The following SLC23A1 variants were observed in gnomAD, a reference collection of about 807,000 sequenced individuals.
The protein encoded by SLC23A1 is Na(+)/L-ascorbic acid transporter 1.
Under a neutral mutation model 62.5 loss-of-function variants are expected in SLC23A1, and 31 were observed. The observed-to-expected ratio is 0.50, with a 90% CI of 0.37 to 0.67. The LOEUF (loss-of-function observed/expected upper bound fraction) is 0.67, where lower values mean the gene tolerates loss of function less well. Ranked by LOEUF, SLC23A1 falls within the 30% of genes least tolerant of loss-of-function variation. SLC23A1 has a pLI of 0.00. For missense variants in SLC23A1, 640 were observed against 782.7 expected, an observed-to-expected ratio of 0.82 and a Z score of 2.18; for synonymous variants, 271 against 313.2, an observed-to-expected ratio of 0.87 and a Z score of 1.42.
rs1758026649 is a variant in SLC23A1 at position 139,377,996 on chromosome 5, T to G, written c.1432A>C (p.Asn478His). Residue 478 changes from asparagine to histidine, a missense_variant, in exon 12 of 15, where the codon AAC becomes CAC. By Grantham distance (68) the Asn-to-His change is moderately conservative. Transcript: ENST00000348729. ...GCACCTGTATTGATGGCGCCAGGGTTGGACTCCAGGTAATTGGGCAGCGTG... is the reference window on the plus strand; with the variant it reads ...GCACCTGTATTGATGGCGCCAGGGTGGGACTCCAGGTAATTGGGCAGCGTG... ...GLTLPNYLESNPGAINTGILE... is the reference protein window; with the variant it reads ...GLTLPNYLESHPGAINTGILE... The G allele has an allele frequency of 6.2e-7, 1 of 1,613,938 alleles. No individual in the cohort carries two copies. The highest frequency in any genetic ancestry group is 8.5e-7 in the Non-Finnish European group (1 of 1,179,954).
At chr5:139,368,714 T>A in intron 14 of SLC23A1, 1 of 1,597,170 alleles carries the variant, frequency 6.3e-7, no homozygotes, top group Non-Finnish European at 8.6e-7. Context: ...ACTTGCTTTT[T>A]TATGTACTTA....
chr5:139,371,898 A>G, intron 14 of SLC23A1, 89 bp downstream of exon 14: 1 of 958,248 alleles, frequency 1.0e-6, no homozygotes, highest in Non-Finnish European at 1.6e-6. Flanking sequence ...TACAAGAAAG[A>G]GAACTGAGTA....
Position 139,380,267 on chromosome 5 carries a change from G to C in SLC23A1, c.588C>G (p.Gly196=), listed in dbSNP as rs200044358. The change falls in exon 6 of 15, where the codon GGC becomes GGG. Residue 196 remains glycine, a synonymous_variant. Transcript: ENST00000348729. The stretch of plus-strand genomic sequence containing the variant: ...CGCCAGCAGCTTGGAAGACAGAAAG[G>C]CCAATGAGGGAGACAGTGGGGGTGA... ...LTVTPTVSLI[G]LSVFQAAGDR... 3.8e-6 allele frequency: 6 copies of C among 1,581,594 alleles called. No homozygotes were observed. The highest frequency in any genetic ancestry group is 1.7e-4 in the Middle Eastern group (1 of 6,016).
At chr5:139,374,522 G>C (rs1757850380) in intron 13 of SLC23A1, among the ~76,000 whole-genome samples, 4 of 152,206 alleles carry the variant, frequency 2.6e-5, no homozygotes, top group Non-Finnish European at 5.9e-5. Context: ...AAAGGCTTTT[G>C]CTATTCCATG....
Position 139,378,079 on chromosome 5 carries a change from A to T in SLC23A1, c.1349T>A (p.Val450Glu). The change falls in exon 12 of 15, where the codon GTG becomes GAG. Residue 450 changes from valine to glutamate, a missense_variant. By Grantham distance (121) the Val-to-Glu change is moderately radical (BLOSUM62 -2). Transcript: ENST00000348729. This position sits in a 1 kb window ranked among gnomAD's most constrained non-coding sequence, Gnocchi z 4.5. ...GAGGTTGCGAGAGGAGTTCATGTCCACAAATTGCAGGTTGGACAGCCCCAC... is the reference window on the plus strand; with the variant it reads ...GAGGTTGCGAGAGGAGTTCATGTCCTCAAATTGCAGGTTGGACAGCCCCAC... ...TAVGLSNLQF[V>E]DMNSSRNLFV... 6.2e-7 allele frequency: 1 copy of T among 1,614,212 alleles called. No individual in the cohort carries two copies. Among genetic ancestry groups the T allele is most frequent in the South Asian group, 1.1e-5 (1 of 91,078 alleles).
chr5:139,372,117 A>G lies in SLC23A1; in HGVS notation c.1686T>C (p.Ile562=). The change falls in exon 14 of 15, where the codon ATT becomes ATC. Residue 562 remains isoleucine (I), a synonymous_variant. Coordinates refer to ENST00000348729, the MANE Select transcript of SLC23A1 (RefSeq NM_005847.5). The part of the protein sequence containing the change: ...IVKRITFLKY[I]PICPVFKGFS... ...ATCCTTTGAAGACTGGGCAGATAGG[A>G]ATGTATTTCAGAAAGGTAATTCTTT... The G allele has an allele frequency of 1.9e-6, 3 of 1,613,666 alleles. No individual in the cohort carries two copies. The highest frequency in any genetic ancestry group is 2.5e-6 in the Non-Finnish European group (3 of 1,179,544).
intron 13 of SLC23A1, among the ~76,000 whole-genome samples, chr5:139,374,148 C>T (rs956423692): frequency 6.6e-6 from 1 of 152,232 alleles, no homozygotes; most frequent in Non-Finnish European, 1.5e-5. Context: ...TACTGACTTA[C>T]ACTTTTTGGC....
chr5:139,380,052 G>A lies in SLC23A1; in HGVS notation c.672C>T (p.Phe224=). 6.2e-7 allele frequency: 1 copy of A among 1,613,142 alleles called. No individual in the cohort carries two copies. Among genetic ancestry groups the A allele is most frequent in the South Asian group, 1.1e-5 (1 of 90,918 alleles). ...SACSILLIIL[F]SQYLRNLTFL... is the part of the protein sequence containing the mutation. ...AGGTGAGGTTGCGCAGGTACTGGGAGAAGAGGATGATCAGGAGAATGGAGC... is the reference window on the plus strand; with the variant it reads ...AGGTGAGGTTGCGCAGGTACTGGGAAAAGAGGATGATCAGGAGAATGGAGC... Residue 224 remains phenylalanine (F), a synonymous_variant, in exon 7 of 15, where the codon TTC becomes TTT. Coordinates refer to ENST00000348729, the MANE Select transcript of SLC23A1 (RefSeq NM_005847.5).
rs1207509374 is a variant in SLC23A1, at chr5:139,380,916, G to C, written c.309-30C>G. ...AGGAGAGGCACAAAGCAACAGGGGT[G>C]GGGAGGGGCGGGTGGGGAGGAGGGA... is the stretch of plus-strand genomic sequence containing the variant. On this transcript the variant is annotated intron_variant, in intron 3 of 14. Transcript: ENST00000348729. 3 of 800,652 alleles carry C rather than the reference G, an allele frequency of 3.7e-6. No individual in the cohort carries two copies. In the African/African-American group the frequency reaches 5.1e-5, roughly 14 times the overall value. 49.6% of individuals were successfully genotyped at this position (800,652 alleles called of 1,614,324 possible). A position where few individuals can be genotyped will look rare whatever the true frequency, so the allele number is the denominator to read the frequency against.
At position 139,380,503 on chromosome 5, in the gene SLC23A1, C is replaced by T. The variant is rs780346178; in HGVS notation, c.465+62G>A. On this transcript the variant is annotated intron_variant, in intron 5 of 14. Transcript: ENST00000348729. ...TCAAATCCCCAAACTCAGCGGCCACCCTCACTCCCATATAGCCCCTCCTCA... is the reference window on the plus strand; with the variant it reads ...TCAAATCCCCAAACTCAGCGGCCACTCTCACTCCCATATAGCCCCTCCTCA... 2.1e-5 allele frequency: 33 copies of T among 1,594,014 alleles called. 2 individuals carry two copies. In the South Asian group the frequency reaches 2.5e-4, roughly 12 times the overall value.
At chr5:139,377,261 C>CA (rs1757991181) in intron 13 of SLC23A1, 141 bp downstream of exon 13, 1 of 645,184 alleles carries the variant, frequency 1.5e-6, no homozygotes, top group African/African-American at 1.8e-5. Flanking sequence ...GTGAGCACTC[C>CA]ACCAGCCCAT....
intron 14 of SLC23A1, among the ~76,000 whole-genome samples, chr5:139,370,194 G>A (rs972953732): frequency 4.6e-5 from 7 of 152,092 alleles, no homozygotes; most frequent in African/African-American, 1.7e-4. Flanking sequence ...TTTTGGAGAC[G>A]GAGTCCTGCT....
intron 13 of SLC23A1, 149 bp downstream of exon 13, chr5:139,377,253 G>A: frequency 1.6e-6 from 1 of 630,954 alleles, no homozygotes; most frequent in South Asian, 1.8e-5. Flanking sequence ...TCCAGCCAGT[G>A]AGCACTCCAC....
At chr5:139,382,695 G>T in intron 1 of SLC23A1, 90 bp from the exon 2 acceptor site, 1 of 830,586 alleles carries the variant, frequency 1.2e-6, no homozygotes, top group Non-Finnish European at 2.0e-6. Flanking sequence ...CAGCCCAAGT[G>T]GCTTGTCAGC....
intron 14 of SLC23A1, among the ~76,000 whole-genome samples, chr5:139,368,107 G>A (rs1038302571): frequency 2.6e-5 from 4 of 152,080 alleles, no homozygotes; most frequent in Admixed American, 2.0e-4. Context: ...AGGCCAAGGC[G>A]GGCGGATCAC....
At chr5:139,374,024 T>C (rs561986497) in intron 13 of SLC23A1, among the ~76,000 whole-genome samples, 1 of 152,280 alleles carries the variant, frequency 6.6e-6, no homozygotes, top group Admixed American at 6.5e-5. Flanking sequence ...TCACCTACTC[T>C]CCCTCATCAG....
upstream of SLC23A1, among the ~76,000 whole-genome samples, chr5:139,385,037 T>A (rs900986648): frequency 6.6e-6 from 1 of 152,130 alleles, no homozygotes; most frequent in African/African-American, 2.4e-5. Context: ...GCCTCTCCGG[T>A]CCCCTAAGTC....
upstream of SLC23A1, among the ~76,000 whole-genome samples, chr5:139,383,664 C>T (rs943595704): frequency 6.6e-6 from 1 of 152,224 alleles, no homozygotes; most frequent in African/African-American, 2.4e-5. Context: ...TCATCATTAT[C>T]ATCATCATCA....
chr5:139,381,678 C>G (rs371932414), intron 3 of SLC23A1, among the ~76,000 whole-genome samples: 13 of 149,974 alleles, frequency 8.7e-5, no homozygotes, highest in African/African-American at 2.9e-4. Context: ...CTTAAACTTG[C>G]AGATGCCTGG....
Sources: allele counts gnomAD v4.1 joint callset (sites outside exome capture counted in the v4.1 genomes callset), GRCh38; gene constraint gnomAD v4.1.1; non-coding constraint Gnocchi (gnomAD v3.1); transcripts MANE v1.5; gene names NCBI Gene and HGNC (gene_info 2026-07-23, HGNC 2026-07-21).